The following LARP1 variants were observed in gnomAD, a reference collection of about 807,000 sequenced individuals.
The protein encoded by LARP1 is La ribonucleoprotein 1, translational regulator.
Under a neutral mutation model 122.7 loss-of-function variants are expected in LARP1, and 36 were observed. That is an observed-to-expected ratio of 0.29 (90% confidence interval 0.22 to 0.39). LARP1 has a LOEUF of 0.39. Among genes scored for constraint, LARP1 ranks in the 10% least tolerant of loss-of-function variants. The pLI, the probability that LARP1 is intolerant of heterozygous loss-of-function variation, is 1.00. For missense variants in LARP1, 1,040 were observed against 1,403.6 expected (o/e 0.74, Z 4.14); for synonymous variants, 539 against 528.7 (o/e 1.02, Z -0.27).
chr5:154,706,927 T>G (rs1400552718), intron 1 of LARP1, among the ~76,000 whole-genome samples: 2 of 152,162 alleles, frequency 1.3e-5, no homozygotes, highest in African/African-American at 4.8e-5. Flanking sequence ...AAAAAAGAAA[T>G]AAATCTCTCT....
At chr5:154,732,055 A>G (rs13164243) in intron 1 of LARP1, among the ~76,000 whole-genome samples, 27 of 151,404 alleles carry the variant, frequency 1.8e-4, no homozygotes, top group Middle Eastern at 3.4e-3. Flanking sequence ...ATGTGGTGGT[A>G]CTTGGGAGGC....
At chr5:154,797,528 C>T (rs1757982226) in intron 8 of LARP1, among the ~76,000 whole-genome samples, 2 of 151,982 alleles carry the variant, frequency 1.3e-5, no homozygotes, top group African/African-American at 2.4e-5. Flanking sequence ...CTACCGCGCC[C>T]GGCCTGTTCT....
intron 16 of LARP1, among the ~76,000 whole-genome samples, chr5:154,810,940 G>A (rs557892837): frequency 2.6e-5 from 4 of 152,312 alleles, no homozygotes; most frequent in East Asian, 1.9e-4. Flanking sequence ...GCCATAAGGT[G>A]TTTGTCGTAA....
chr5:154,789,960 T>C (rs1292145735), intron 1 of LARP1, among the ~76,000 whole-genome samples: 1 of 152,210 alleles, frequency 6.6e-6, no homozygotes, highest in East Asian at 1.9e-4. Flanking sequence ...CTGCCATGAT[T>C]CAGGAGCCCT....
At chr5:154,804,630 G>C (rs1758608399) in intron 14 of LARP1, 2 of 395,176 alleles carry the variant, frequency 5.1e-6, no homozygotes, top group South Asian at 4.2e-5. Flanking sequence ...ACAGATTTCT[G>C]GCAGTCTCTC....
chr5:154,738,429 TAAAAACAC>T (rs1376012808), intron 1 of LARP1, among the ~76,000 whole-genome samples: 1 of 152,112 alleles, frequency 6.6e-6, no homozygotes, highest in Non-Finnish European at 1.5e-5. Flanking sequence ...TTGTCTCTAC[TAAAAACAC>T]AAAAATTAGC....
At chr5:154,716,400 C>T (rs1755512103) in intron 1 of LARP1, among the ~76,000 whole-genome samples, 1 of 151,970 alleles carries the variant, frequency 6.6e-6, no homozygotes, top group African/African-American at 2.4e-5. Context: ...GGATTACAGG[C>T]ATAAGCCACC....
chr5:154,692,988 A>ATTTTT lies in LARP1; in HGVS notation c.-180+9953_-180+9954insTTTTT, dbSNP rs113484244. ...CATACCCAGCTAATTTTAATTTTTA[A>ATTTTT]TTATTTTTTTTTTTTTTGTAGAGAC... On this transcript the variant is annotated intron_variant, in intron 1 of 18. Transcript: ENST00000687700. Among the ~76,000 whole-genome samples the ATTTTT allele has an allele frequency of 1.8e-4, 25 of 141,968 alleles. 2 individuals are homozygous for ATTTTT. Among genetic ancestry groups the ATTTTT allele is most frequent in the East Asian group, 6.2e-4 (3 of 4,876 alleles). 93.1% of individuals were successfully genotyped at this position (141,968 alleles called of 152,430 possible). A position where few individuals can be genotyped will look rare whatever the true frequency, so the allele number is the denominator to read the frequency against.
intron 1 of LARP1, among the ~76,000 whole-genome samples, chr5:154,781,660 CAA>C (rs1451386723): frequency 1.3e-5 from 2 of 152,140 alleles, no homozygotes; most frequent in Non-Finnish European, 2.9e-5. Context: ...TGGCATCATG[CAA>C]AGACATTGTA....
chr5:154,738,956 T>C (rs1323673795), intron 1 of LARP1, among the ~76,000 whole-genome samples: 1 of 152,136 alleles, frequency 6.6e-6, no homozygotes, highest in Non-Finnish European at 1.5e-5. Context: ...CAAAAATAAA[T>C]AAAAAATTTA....
intron 18 of LARP1, among the ~76,000 whole-genome samples, chr5:154,812,613 G>A (rs891588852): frequency 8.8e-5 from 13 of 147,680 alleles, no homozygotes; most frequent in African/African-American, 1.8e-4. Context: ...TCCGCCTCCC[G>A]GGTTTAAGTG....
upstream of LARP1, among the ~76,000 whole-genome samples, chr5:154,709,598 ATTTTTTTTTTTTTTTTTT>A (rs60062105): frequency 2.5e-5 from 2 of 81,350 alleles, no homozygotes; most frequent in Non-Finnish European, 4.6e-5. Flanking sequence ...CTCCAGTGAG[ATTTTTTTTTTTTTTTTTT>A]TTTTTTTTTA....
rs1471253464 is a variant in LARP1, at chr5:154,816,310, G to C, written c.*2214G>C. Reference sequence around the variant, plus strand: ...GTCACGCAGCCCTGTACTGTATCCAGCACCACAGAAACCTCAGTGTTTTTC... The same window carrying C: ...GTCACGCAGCCCTGTACTGTATCCACCACCACAGAAACCTCAGTGTTTTTC... On this transcript the variant is annotated 3_prime_UTR_variant, in exon 19 of 19. Coordinates refer to ENST00000518297, the MANE Select transcript of LARP1 (RefSeq NM_033551.3). 1 of 152,838 alleles carries C rather than the reference G, an allele frequency of 6.5e-6. No homozygotes were observed. Among genetic ancestry groups the C allele is most frequent in the Non-Finnish European group, 1.5e-5 (1 of 68,220 alleles). 9.5% of individuals were successfully genotyped at this position (152,838 alleles called of 1,614,324 possible). A position where few individuals can be genotyped will look rare whatever the true frequency, so the allele number is the denominator to read the frequency against.
upstream of LARP1, among the ~76,000 whole-genome samples, chr5:154,752,328 C>T (rs565365660): frequency 1.4e-4 from 22 of 152,004 alleles, no homozygotes; most frequent in South Asian, 4.2e-3. Flanking sequence ...CTGCAACCTC[C>T]GCCACCTGGG....
intron 1 of LARP1, among the ~76,000 whole-genome samples, chr5:154,766,566 C>T (rs1754970635): frequency 6.6e-6 from 1 of 152,174 alleles, no homozygotes; most frequent in Non-Finnish European, 1.5e-5. Context: ...TGGTTGAGCT[C>T]ATGCTTGCCT....
intron 1 of LARP1, among the ~76,000 whole-genome samples, chr5:154,703,453 T>C (rs989896129): frequency 6.6e-6 from 1 of 151,920 alleles, no homozygotes; most frequent in African/African-American, 2.4e-5. Flanking sequence ...TAATCTATGC[T>C]CATTTATTCA....
intron 1 of LARP1, among the ~76,000 whole-genome samples, chr5:154,742,404 A>G (rs921893074): frequency 2.0e-5 from 3 of 152,188 alleles, no homozygotes; most frequent in African/African-American, 7.2e-5. Flanking sequence ...TCTATTAAAA[A>G]TAAAATTAGT....
At chr5:154,687,433 G>A (rs1314270374) in intron 1 of LARP1, among the ~76,000 whole-genome samples, 3 of 152,214 alleles carry the variant, frequency 2.0e-5, no homozygotes, top group Non-Finnish European at 2.9e-5. Context: ...CTAGGCCGGA[G>A]TGCAGTGGCG....
At chr5:154,734,961 T>C (rs1331965577) in intron 1 of LARP1, among the ~76,000 whole-genome samples, 2 of 152,204 alleles carry the variant, frequency 1.3e-5, no homozygotes, top group Non-Finnish European at 2.9e-5. Context: ...TTTAGCATAA[T>C]GTCTTCAAGT....
Sources: allele counts gnomAD v4.1 joint callset (sites outside exome capture counted in the v4.1 genomes callset), GRCh38; gene constraint gnomAD v4.1.1; transcripts MANE v1.5; gene names NCBI Gene and HGNC (gene_info 2026-07-23, HGNC 2026-07-21).